DHRS12: variants seen among roughly 807,000 people sequenced by gnomAD.
The protein encoded by DHRS12 is dehydrogenase/reductase 12, also known as dehydrogenase/reductase SDR family member 12.
In DHRS12, 29 loss-of-function variants were observed where a neutral mutation model predicts 32.1. The ratio of observed to expected loss-of-function variants is 0.90; its 90% CI spans 0.67 to 1.23. The LOEUF is 1.23. Ranked by LOEUF, DHRS12 falls within the 50% of genes most tolerant of loss-of-function variation. DHRS12 has a pLI of 0.00. For synonymous variants in DHRS12, 150 were observed against 135.9 expected (o/e 1.10, Z -0.72); for missense variants, 330 against 337.2 (o/e 0.98, Z 0.17).
chr13:51,786,751 T>C (rs1328719015), intron 4 of DHRS12, among the ~76,000 whole-genome samples: 1 of 152,254 alleles, frequency 6.6e-6, no homozygotes, highest in African/African-American at 2.4e-5. Flanking sequence ...GATCCAGTGA[T>C]AAATCCTGCG....
intron 3 of DHRS12, among the ~76,000 whole-genome samples, 173 bp downstream of exon 3, chr13:51,790,992 G>A (rs1357221927): frequency 2.6e-5 from 4 of 151,888 alleles, no homozygotes; most frequent in Admixed American, 6.6e-5. Flanking sequence ...AACCACATGC[G>A]TCTCCTCTTA....
the DHRS12 span, chr13:51,758,446 G>T: frequency 2.2e-6 from 1 of 464,910 alleles, no homozygotes; most frequent in Non-Finnish European, 3.9e-6. Flanking sequence ...AGCTACTCAG[G>T]AGATTTAGGA....
intron 6 of DHRS12, 71 bp downstream of exon 6, chr13:51,773,859 A>G (rs1182971733): frequency 1.5e-6 from 2 of 1,302,118 alleles, no homozygotes; most frequent in African/African-American, 2.9e-5. Flanking sequence ...ATCCCAGAGT[A>G]AGCTTTCCTT....
chr13:51,773,350 T>C (rs1246418141), intron 6 of DHRS12, among the ~76,000 whole-genome samples: 2 of 152,198 alleles, frequency 1.3e-5, no homozygotes, highest in African/African-American at 4.8e-5. Context: ...AAACAAAATG[T>C]GTGTTCATGA....
chr13:51,802,879 G>A (rs1955824399), intron 1 of DHRS12, among the ~76,000 whole-genome samples: 1 of 151,962 alleles, frequency 6.6e-6, no homozygotes, highest in Non-Finnish European at 1.5e-5. Flanking sequence ...TCAAGGTGGG[G>A]AAATCAGAGC....
the DHRS12 span, among the ~76,000 whole-genome samples, chr13:51,757,771 G>C: frequency 6.6e-6 from 1 of 151,434 alleles, no homozygotes; most frequent in African/African-American, 2.4e-5. Flanking sequence ...AATGGAGGGG[G>C]ATAGTTTTCC....
chr13:51,797,976 A>C, intron 2 of DHRS12: 1 of 1,457,360 alleles, frequency 6.9e-7, no homozygotes, highest in African/African-American at 1.4e-5. Context: ...CTTCCTAATG[A>C]AAAATGAAGA....
chr13:51,767,305 A>T (rs1424459902), downstream of DHRS12: 2 of 152,242 alleles, frequency 1.3e-5, no homozygotes, highest in Non-Finnish European at 2.9e-5. Flanking sequence ...ATGCAGTTAA[A>T]TGGAGCTGGT....
intron 1 of DHRS12, 51 bp downstream of exon 1, chr13:51,803,995 CCGCGCCGA>C: frequency 1.1e-5 from 15 of 1,398,946 alleles, no homozygotes; most frequent in Non-Finnish European, 1.4e-5. Context: ...CCCTGCTCGC[CCGCGCCGA>C]GGCGGGCCAC....
At chr13:51,785,224 T>C (rs576507182) in intron 4 of DHRS12, among the ~76,000 whole-genome samples, 77 of 152,202 alleles carry the variant, frequency 5.1e-4, no homozygotes, top group African/African-American at 1.9e-3. Flanking sequence ...CGAGACTCTG[T>C]CTCAAAAAAA....
intron 4 of DHRS12, among the ~76,000 whole-genome samples, chr13:51,784,078 G>T (rs185834615): frequency 1.3e-5 from 2 of 152,208 alleles, no homozygotes; most frequent in Admixed American, 6.5e-5. Context: ...AAAGTAAGGC[G>T]TGGGGAGGTT....
downstream of DHRS12, chr13:51,767,123 G>A (rs1953774960): frequency 6.6e-6 from 1 of 152,262 alleles, no homozygotes; most frequent in Non-Finnish European, 1.5e-5. Flanking sequence ...TTTAAAACTT[G>A]TGAGGTTCAT....
chr13:51,768,511 G>A, intron 8 of DHRS12: 2 of 1,410,724 alleles, frequency 1.4e-6, no homozygotes, highest in South Asian at 1.5e-5. Context: ...CTGCAGCCAG[G>A]GCTGGACGGG....
chr13:51,767,836 A>C, downstream of DHRS12: 2 of 165,300 alleles, frequency 1.2e-5, no homozygotes, highest in East Asian at 2.2e-4. Context: ...GAGCTGAGAA[A>C]GGGAGGGGAA....
chr13:51,769,021 C>T (rs997382082), intron 8 of DHRS12, 135 bp downstream of exon 8: 2 of 1,444,008 alleles, frequency 1.4e-6, no homozygotes, highest in Admixed American at 5.7e-5. Context: ...AAGCAATCAT[C>T]TCGCCAAAGA....
At chr13:51,773,853 C>T in intron 6 of DHRS12, 77 bp downstream of exon 6, 1 of 1,248,662 alleles carries the variant, frequency 8.0e-7, no homozygotes, top group Non-Finnish European at 1.2e-6. Flanking sequence ...ATGTGCATCC[C>T]AGAGTAAGCT....
intron 5 of DHRS12, chr13:51,774,321 AT>A (rs1281686693): frequency 2.0e-5 from 3 of 146,674 alleles, no homozygotes; most frequent in South Asian, 2.2e-4. Context: ...ATTCTCCTAC[AT>A]GTATTCTCCT....
downstream of DHRS12, chr13:51,767,308 G>A (rs145627130): frequency 1.3e-3 from 194 of 152,376 alleles, 1 homozygote; most frequent in African/African-American, 4.4e-3. Flanking sequence ...CAGTTAAATG[G>A]AGCTGGTGCT....
the DHRS12 span, chr13:51,761,496 G>C: frequency 6.6e-6 from 1 of 152,160 alleles, no homozygotes; most frequent in African/African-American, 2.4e-5. Flanking sequence ...CAGGCCAATT[G>C]CTTGTCCTTC....
Sources: gnomAD v4.1 joint callset for allele counts (sites outside exome capture counted in the v4.1 genomes callset) on GRCh38, gnomAD v4.1.1 for gene constraint, MANE v1.5 for transcripts, NCBI Gene and HGNC (gene_info 2026-07-23, HGNC 2026-07-21) for gene names.